Variants in DOCK1 observed in about 807,000 individuals in gnomAD.
DOCK1 encodes dedicator of cytokinesis protein 1.
In DOCK1, 138 loss-of-function variants were observed where a neutral mutation model predicts 262.7. The ratio of observed to expected loss-of-function variants is 0.53; its 90% CI spans 0.46 to 0.61. The LOEUF is 0.61. Among genes scored for constraint, DOCK1 ranks in the 20% least tolerant of loss-of-function variants. The probability of loss-of-function intolerance (pLI) is 0.00; values close to 1 mark genes in which losing one functional copy is unlikely to be tolerated. For missense variants in DOCK1, 1,908 were observed against 2,370.7 expected, an observed-to-expected ratio of 0.80 and a Z score of 4.05; for synonymous variants, 866 against 867.4, an observed-to-expected ratio of 1.00 and a Z score of 0.03.
At position 126,987,592 on chromosome 10, in the gene DOCK1, C is replaced by A; in HGVS notation, c.299C>A (p.Ser100Tyr). 1 of 1,569,288 alleles carries A rather than the reference C, an allele frequency of 6.4e-7. No homozygotes were observed. The highest frequency in any genetic ancestry group is 8.6e-7 in the Non-Finnish European group (1 of 1,156,670). The change falls in exon 5 of 52, where the codon TCC becomes TAC. Residue 100 changes from serine to tyrosine, a missense_variant. This residue lies in a region of DOCK1 where 227 missense variants were observed against 254.1 expected (regional missense o/e 0.89). Coordinates refer to ENST00000623213, the MANE Select transcript of DOCK1 (RefSeq NM_001290223.2). ...QEVTTTLREW[S>Y]TIWRQLYVQD... ...GTCACCACGACACTCCGAGAGTGGT[C>A]CACCATCTGGAGGCAGCTCTACGTG... is the stretch of plus-strand genomic sequence containing the variant.
intron 29 of DOCK1, among the ~76,000 whole-genome samples, chr10:127,298,322 G>A (rs903830453): frequency 6.6e-6 from 1 of 152,202 alleles, no homozygotes; most frequent in Non-Finnish European, 1.5e-5. Context: ...ATTAGAAAGT[G>A]AGTCCCCTAT....
intron 1 of DOCK1, among the ~76,000 whole-genome samples, chr10:126,948,964 C>T (rs962878663): frequency 6.6e-6 from 1 of 152,140 alleles, no homozygotes; most frequent in Non-Finnish European, 1.5e-5. Context: ...TTCAGAATCC[C>T]TTTCAGTGGC....
intron 27 of DOCK1, among the ~76,000 whole-genome samples, chr10:127,187,730 G>A (rs921360852): frequency 1.9e-5 from 2 of 107,126 alleles, no homozygotes; most frequent in Non-Finnish European, 2.2e-5. Context: ...AAGAAAGAGA[G>A]AAAGAAAGAA....
chr10:127,395,795 A>G (rs2066791508), intron 38 of DOCK1, among the ~76,000 whole-genome samples: 1 of 152,194 alleles, frequency 6.6e-6, no homozygotes, highest in African/African-American at 2.4e-5. Flanking sequence ...CCACAGTGTC[A>G]AAGACCCTTG....
At chr10:127,000,030 C>A in intron 9 of DOCK1, 142 bp from the exon 10 acceptor site, 1 of 945,852 alleles carries the variant, frequency 1.1e-6, no homozygotes. Flanking sequence ...TATTAAATTC[C>A]TTTTTGTCAT....
In DOCK1 at chr10:127,451,419, G is replaced by A. The variant is rs370457490; in HGVS notation, c.5653G>A (p.Val1885Met). 236 of 1,578,732 alleles carry A rather than the reference G, an allele frequency of 1.5e-4. No individual in the cohort carries two copies. Among genetic ancestry groups the A allele is most frequent in the Middle Eastern group, 3.3e-4 (2 of 6,052 alleles). ...RKQASVDSGIVQ is the reference protein window; with the variant it reads ...RKQASVDSGIMQ ...GCAGGCATCGGTGGACTCCGGGATCGTGCAGTGACGTCGCAAGCCTCTCTG... is the reference window on the plus strand; with the variant it reads ...GCAGGCATCGGTGGACTCCGGGATCATGCAGTGACGTCGCAAGCCTCTCTG... Residue 1885 changes from valine (V) to methionine (M), a missense_variant, in exon 52 of 52, where the codon GTG (valine) becomes ATG (methionine). Around this residue, in one of 9 missense-constraint regions of DOCK1, gnomAD observed 383 missense variants for 420.1 expected, o/e 0.91. Transcript: ENST00000623213.
chr10:127,359,851 A>T (rs918685453), intron 32 of DOCK1, among the ~76,000 whole-genome samples: 1 of 152,218 alleles, frequency 6.6e-6, no homozygotes, highest in African/African-American at 2.4e-5. Context: ...AAACTAAAGA[A>T]TTTGGTTTCC....
intron 47 of DOCK1, among the ~76,000 whole-genome samples, chr10:127,432,454 A>G (rs963494957): frequency 1.3e-5 from 2 of 152,072 alleles, no homozygotes; most frequent in African/African-American, 4.8e-5. Flanking sequence ...TCAACGCCAC[A>G]CAGAGAGGAG....
intron 23 of DOCK1, among the ~76,000 whole-genome samples, chr10:127,068,429 G>A (rs140181599): frequency 5.3e-5 from 8 of 152,298 alleles, no homozygotes; most frequent in Non-Finnish European, 1.5e-5. Context: ...CTTTGGGCCT[G>A]TCTGGCACCT....
Position 126,970,692 on chromosome 10 carries a change from T to A in DOCK1, c.47-10T>A, listed in dbSNP as rs769900673. On this transcript the variant is annotated splice_polypyrimidine_tract_variant and intron_variant, in intron 1 of 51. Coordinates refer to ENST00000623213, the MANE Select transcript of DOCK1 (RefSeq NM_001290223.2). Reference sequence around the variant, plus strand: ...CTATTACTAATATATTTCCCCTTTTTTCATCACAGCTTTTTATAACTATGA... The same window carrying A: ...CTATTACTAATATATTTCCCCTTTTATCATCACAGCTTTTTATAACTATGA... 8.1e-6 allele frequency: 13 copies of A among 1,603,906 alleles called. No homozygotes were observed. The South Asian group carries it at 1.3e-4, about 16-fold the overall frequency.
intron 1 of DOCK1, among the ~76,000 whole-genome samples, chr10:126,970,195 A>G (rs2037993757): frequency 6.6e-6 from 1 of 152,168 alleles, no homozygotes; most frequent in Admixed American, 6.5e-5. Context: ...GCTTTATGTC[A>G]GGATAAACAT....
intron 38 of DOCK1, among the ~76,000 whole-genome samples, chr10:127,395,898 G>A (rs573714876): frequency 6.6e-6 from 1 of 152,370 alleles, no homozygotes; most frequent in Non-Finnish European, 1.5e-5. Context: ...GAAGATGTAG[G>A]AAGGGAATGC....
Position 127,008,871 on chromosome 10 carries a change from T to C in DOCK1, c.1058+67T>C, listed in dbSNP as rs2041220351. The C allele has an allele frequency of 2.3e-6, 3 of 1,319,412 alleles. No homozygotes were observed. In the South Asian group the frequency reaches 4.0e-5, roughly 18 times the overall value. The allele number at this position is 1,319,412 out of a possible 1,614,324, so 81.7% of individuals were successfully genotyped here. On this transcript the variant is annotated intron_variant, in intron 11 of 51. Transcript: ENST00000623213. The stretch of plus-strand genomic sequence containing the variant: ...GGAAAACATAGGCTTGTAATAATTA[T>C]CTTTATAATTAAATGGATAAACATA...
At chr10:127,303,288 A>C (rs1300996098) in intron 29 of DOCK1, among the ~76,000 whole-genome samples, 1 of 152,124 alleles carries the variant, frequency 6.6e-6, no homozygotes, top group African/African-American at 2.4e-5. Flanking sequence ...CTTCCTGAAA[A>C]CAGGCCAATG....
Position 126,990,562 on chromosome 10 carries a change from A to G in DOCK1, c.432A>G (p.Glu144=), listed in dbSNP as rs1282834790. 1.9e-6 allele frequency: 3 copies of G among 1,613,854 alleles called. No individual in the cohort carries two copies. The highest frequency in any genetic ancestry group is 2.5e-6 in the Non-Finnish European group (3 of 1,179,852). The change falls in exon 6 of 52, where the codon GAA becomes GAG. Residue 144 remains glutamate (E), a synonymous_variant. Coordinates refer to ENST00000623213, the MANE Select transcript of DOCK1 (RefSeq NM_001290223.2). ...CTCTGCCTCAGGATGAACTCAAAGAACTGAAGAAGAAGGTCACAGCCAAAA... is the reference window on the plus strand; with the variant it reads ...CTCTGCCTCAGGATGAACTCAAAGAGCTGAAGAAGAAGGTCACAGCCAAAA... ...SGTLPQDELK[E]LKKKVTAKID...
intron 22 of DOCK1, among the ~76,000 whole-genome samples, chr10:127,061,356 G>A (rs2045518032): frequency 6.6e-6 from 1 of 152,032 alleles, no homozygotes; most frequent in South Asian, 2.1e-4. Flanking sequence ...TCTCTTCCTC[G>A]GCCCTTTCCA....
chr10:126,924,545 G>A lies in DOCK1; in HGVS notation c.46+18982G>A, dbSNP rs531092362. On this transcript the variant is annotated intron_variant, in intron 1 of 51. Coordinates refer to ENST00000623213, the MANE Select transcript of DOCK1 (RefSeq NM_001290223.2). ...GTCTGGAGCCTTAAAAAAGGCAAAC[G>A]GCCCTTGAAACGGCAGGGTGGGGAG... 2.0e-3 allele frequency among the ~76,000 whole-genome samples: 304 copies of A among 152,310 alleles called. 1 individual carries two copies. The highest frequency in any genetic ancestry group is 7.1e-3 in the African/African-American group (294 of 41,566).
Position 127,439,075 on chromosome 10 carries a change from G to A in DOCK1, c.5109G>A (p.Gln1703=). The change falls in exon 49 of 52, where the codon CAG becomes CAA. Residue 1703 remains glutamine, a synonymous_variant. Coordinates refer to ENST00000623213, the MANE Select transcript of DOCK1 (RefSeq NM_001290223.2). ...CAAAGAAAATGCACTCCAGGTCCCA[G>A]GACAAGCTGGACAAGGATGACCTGG... The part of the protein sequence containing the change: ...LLPKKMHSRS[Q]DKLDKDDLEK... 1 of 1,558,360 alleles carries A rather than the reference G, an allele frequency of 6.4e-7. No individual in the cohort carries two copies. Among genetic ancestry groups the A allele is most frequent in the Non-Finnish European group, 8.7e-7 (1 of 1,150,738 alleles).
At chr10:127,280,877 C>T (rs2060937557) in intron 29 of DOCK1, among the ~76,000 whole-genome samples, 1 of 151,988 alleles carries the variant, frequency 6.6e-6, no homozygotes, top group African/African-American at 2.4e-5. Context: ...TCAACTTTAC[C>T]ATTGGTAAAA....
Sources: allele counts gnomAD v4.1 joint callset (sites outside exome capture counted in the v4.1 genomes callset), GRCh38; gene constraint gnomAD v4.1.1; regional missense constraint gnomAD v4.1.1; transcripts MANE v1.5; gene names NCBI Gene and HGNC (gene_info 2026-07-23, HGNC 2026-07-21).